Variants in DOCK8 observed in about 807,000 individuals in gnomAD.
DOCK8 encodes dedicator of cytokinesis 8.
A neutral mutation model predicts 245.6 loss-of-function variants in DOCK8; 141 were observed. That is an observed-to-expected ratio of 0.57 (90% CI 0.50 to 0.66). The LOEUF (loss-of-function observed/expected upper bound fraction) is 0.66. DOCK8 is among the 30% of genes least tolerant of loss of function. The pLI, the probability that DOCK8 is intolerant of heterozygous loss-of-function variation, is 0.00. For missense variants in DOCK8, 2,965 were observed against 2,603.4 expected, an observed-to-expected ratio of 1.14 and a Z score of -3.02; for synonymous variants, 1,168 against 970.2, an observed-to-expected ratio of 1.20 and a Z score of -3.79.
intron 27 of DOCK8, among the ~76,000 whole-genome samples, chr9:405,787 T>C (rs753689438): frequency 2.0e-5 from 3 of 152,234 alleles, no homozygotes; most frequent in Non-Finnish European, 4.4e-5. Flanking sequence ...AAAAAAATCT[T>C]AGCCATATAT....
At chr9:458,930 G>A (rs7858316) in intron 46 of DOCK8, among the ~76,000 whole-genome samples, 1,932 of 152,244 alleles carry the variant, frequency 0.013, 43 homozygotes, top group African/African-American at 0.044. Context: ...TCAAAAGCCA[G>A]GAATCCTTTT....
chr9:296,971 G>T (rs1046567234), intron 4 of DOCK8, among the ~76,000 whole-genome samples: 7 of 152,066 alleles, frequency 4.6e-5, no homozygotes, highest in African/African-American at 1.7e-4. Flanking sequence ...CATCTTAAAT[G>T]GATGCATCCT....
intron 46 of DOCK8, among the ~76,000 whole-genome samples, chr9:453,222 A>G (rs2057523252): frequency 6.6e-6 from 1 of 152,190 alleles, no homozygotes; most frequent in Non-Finnish European, 1.5e-5. Flanking sequence ...CCGCTTGGTA[A>G]TAGGATGTTT....
chr9:212,444 T>G (rs1258732561), upstream of DOCK8, among the ~76,000 whole-genome samples: 4 of 152,090 alleles, frequency 2.6e-5, no homozygotes, highest in Non-Finnish European at 5.9e-5. Context: ...GAAGGAGGCC[T>G]CCCAGAGTTC....
At chr9:393,131 A>T (rs927304614) in intron 24 of DOCK8, among the ~76,000 whole-genome samples, 1 of 148,224 alleles carries the variant, frequency 6.7e-6, no homozygotes, top group Non-Finnish European at 1.5e-5. Flanking sequence ...GAAGAAGAAG[A>T]TTCACTTGAG....
At chr9:235,566 G>A (rs978992361) in intron 1 of DOCK8, among the ~76,000 whole-genome samples, 9 of 152,128 alleles carry the variant, frequency 5.9e-5, no homozygotes, top group Admixed American at 2.0e-4. Context: ...CTTCCCGGCC[G>A]CTTTGTTTAC....
chr9:333,235 C>A (rs2051110888), intron 10 of DOCK8, among the ~76,000 whole-genome samples: 1 of 152,246 alleles, frequency 6.6e-6, no homozygotes, highest in Non-Finnish European at 1.5e-5. Context: ...ATTAGCACAG[C>A]ATAGGTGTTG....
At chr9:240,861 A>C (rs1007586231) in intron 1 of DOCK8, among the ~76,000 whole-genome samples, 6 of 152,162 alleles carry the variant, frequency 3.9e-5, no homozygotes, top group African/African-American at 1.2e-4. Context: ...TTATCTCTTA[A>C]ATAAAAAAAT....
chr9:220,677 G>A (rs1235996955), intron 1 of DOCK8: 2 of 379,932 alleles, frequency 5.3e-6, no homozygotes, highest in African/African-American at 4.5e-5. Flanking sequence ...CAACAGGAAT[G>A]TGCTACTGCT....
chr9:378,087 T>C (rs2053591324), intron 20 of DOCK8, among the ~76,000 whole-genome samples: 3 of 152,300 alleles, frequency 2.0e-5, no homozygotes, highest in African/African-American at 7.2e-5. Flanking sequence ...ACCAAGAGCA[T>C]CTCAGACCTC....
At chr9:403,948 A>ATATATATATATGTATATATATATGTGTG (rs2055275285) in intron 26 of DOCK8, among the ~76,000 whole-genome samples, 9 of 70,388 alleles carry the variant, frequency 1.3e-4, no homozygotes, top group Admixed American at 1.0e-3. Context: ...ATATATGTGT[A>ATATATATATATGTATATATATATGTGTG]TATATATATA....
rs1308335854 is a variant in DOCK8, at chr9:214,928, C to G, written c.-49C>G. 6.2e-7 allele frequency: 1 copy of G among 1,604,862 alleles called. No individual in the cohort carries two copies. The highest frequency in any genetic ancestry group is 8.5e-7 in the Non-Finnish European group (1 of 1,177,432). On this transcript the variant is annotated 5_prime_UTR_variant, in exon 1 of 48. Coordinates refer to ENST00000432829, the MANE Select transcript of DOCK8 (RefSeq NM_203447.4). Reference sequence around the variant, plus strand: ...GCTACTCTGCGGCGCGCCAGGCCCCCGCTTTCCGCACCCCGCGACCCTAGA... The same window carrying G: ...GCTACTCTGCGGCGCGCCAGGCCCCGGCTTTCCGCACCCCGCGACCCTAGA...
chr9:349,057 G>A (rs565973245), intron 14 of DOCK8, among the ~76,000 whole-genome samples: 5 of 152,166 alleles, frequency 3.3e-5, no homozygotes, highest in South Asian at 2.1e-4. Context: ...CTTCCAGATC[G>A]TCTTTTACTC....
chr9:216,461 A>G (rs1309301176), intron 1 of DOCK8, among the ~76,000 whole-genome samples: 1 of 148,852 alleles, frequency 6.7e-6, no homozygotes, highest in Non-Finnish European at 1.5e-5. Flanking sequence ...GCTTGAGCCC[A>G]GGAGGATCAC....
At position 418,216 on chromosome 9, in the gene DOCK8, G is replaced by C. The variant is rs773805844; in HGVS notation, c.3840+9G>C. On this transcript the variant is annotated intron_variant, in intron 30 of 47. Coordinates refer to ENST00000432829, the MANE Select transcript of DOCK8 (RefSeq NM_203447.4). ...TAGTGCTGTCTTCCTTGGTATGTTG[G>C]TGCACATGTGTCTGGTTGATTTTTC... The C allele has an allele frequency of 2.5e-6, 4 of 1,613,962 alleles. No individual in the cohort carries two copies. The African/African-American group carries it at 5.3e-5, about 22-fold the overall frequency.
intron 1 of DOCK8, among the ~76,000 whole-genome samples, chr9:232,455 A>G (rs1043031509): frequency 6.6e-6 from 1 of 152,188 alleles, no homozygotes; most frequent in Non-Finnish European, 1.5e-5. Context: ...TGATTGGAAT[A>G]ATTTCAGAAG....
intron 46 of DOCK8, among the ~76,000 whole-genome samples, chr9:453,319 C>T (rs2057525703): frequency 6.6e-6 from 1 of 152,138 alleles, no homozygotes; most frequent in Non-Finnish European, 1.5e-5. Flanking sequence ...TGAATTGTTT[C>T]CTGTATTTGA....
At chr9:398,142 A>G (rs894579177) in intron 25 of DOCK8, among the ~76,000 whole-genome samples, 1 of 152,222 alleles carries the variant, frequency 6.6e-6, no homozygotes, top group African/African-American at 2.4e-5. Context: ...GGCAGGTGTG[A>G]GAATAAGGCA....
intron 2 of DOCK8, among the ~76,000 whole-genome samples, chr9:285,737 A>G (rs535624589): frequency 5.3e-5 from 8 of 152,164 alleles, no homozygotes; most frequent in Non-Finnish European, 7.3e-5. Context: ...CCTCTTTCCA[A>G]CTGTGGAAGG....
Sources: allele counts gnomAD v4.1 joint callset (sites outside exome capture counted in the v4.1 genomes callset), GRCh38; gene constraint gnomAD v4.1.1; transcripts MANE v1.5; gene names NCBI Gene and HGNC (gene_info 2026-07-23, HGNC 2026-07-21).